Variants in KCNN2 observed in about 807,000 individuals in gnomAD.
KCNN2 encodes small conductance calcium-activated potassium channel protein 2.
Under a neutral mutation model 55.5 loss-of-function variants are expected in KCNN2, and 24 were observed. That is an observed-to-expected ratio of 0.43 (90% CI 0.31 to 0.61). The LOEUF is 0.61. KCNN2 is among the 20% of genes least tolerant of loss of function. KCNN2 has a pLI of 0.08. For synonymous variants in KCNN2, 431 were observed against 336.1 expected (o/e 1.28, Z -3.09); for missense variants, 754 against 853.6 (o/e 0.88, Z 1.45).
At chr5:114,469,634 A>G (rs1761624187) in intron 4 of KCNN2, among the ~76,000 whole-genome samples, 2 of 152,144 alleles carry the variant, frequency 1.3e-5, no homozygotes, top group African/African-American at 4.8e-5. Flanking sequence ...ATGTTGTAAA[A>G]TCGTACTTAT....
At chr5:114,141,094 A>G (rs62381856) in intron 1 of KCNN2, among the ~76,000 whole-genome samples, 6,641 of 151,832 alleles carry the variant, frequency 0.044, 242 homozygotes, top group Non-Finnish European at 0.067. Context: ...CTTCATTATT[A>G]TTATTTTTAG....
At chr5:114,486,682 T>A (rs750389025) in intron 5 of KCNN2, 1 of 1,230,734 alleles carries the variant, frequency 8.1e-7, no homozygotes, top group South Asian at 1.3e-5. Context: ...CCTCATGGTA[T>A]TTTGTCTTTC....
Position 114,435,646 on chromosome 5 carries a change from A to G in KCNN2, c.1638-27403A>G, listed in dbSNP as rs112315141. On this transcript the variant is annotated intron_variant, in intron 3 of 7. Coordinates refer to ENST00000673685, the MANE Select transcript of KCNN2 (RefSeq NM_021614.4). ...AAAAAAAAAAGATGATTTAGATAGT[A>G]TTTAGATCATTATAATGTTATTTGG... is the stretch of plus-strand genomic sequence containing the variant. Among the ~76,000 whole-genome samples the G allele has an allele frequency of 1.2e-3, 187 of 152,212 alleles. 3 individuals are homozygous for G. The highest frequency in any genetic ancestry group is 4.4e-3 in the African/African-American group (183 of 41,570).
At chr5:114,242,714 G>A (rs1754669454) in intron 2 of KCNN2, among the ~76,000 whole-genome samples, 1 of 152,094 alleles carries the variant, frequency 6.6e-6, no homozygotes, top group Non-Finnish European at 1.5e-5. Context: ...ACATTTTTGT[G>A]AACATAGAGA....
At chr5:114,173,228 T>G (rs1753071844) in intron 1 of KCNN2, among the ~76,000 whole-genome samples, 1 of 152,032 alleles carries the variant, frequency 6.6e-6, no homozygotes, top group Non-Finnish European at 1.5e-5. Flanking sequence ...TTGTAAAAAA[T>G]GAGTTCACGG....
At chr5:114,246,928 G>A (rs1426625386) in intron 2 of KCNN2, among the ~76,000 whole-genome samples, 1 of 151,758 alleles carries the variant, frequency 6.6e-6, no homozygotes, top group Non-Finnish European at 1.5e-5. Context: ...AGGAAACGAA[G>A]GAAACAACAC....
At chr5:114,413,075 A>G (rs1321651287) in intron 3 of KCNN2, among the ~76,000 whole-genome samples, 1 of 152,224 alleles carries the variant, frequency 6.6e-6, no homozygotes, top group Non-Finnish European at 1.5e-5. Context: ...TCACAACTTT[A>G]AAATGGGCCC....
chr5:114,336,691 T>C (rs529732273), intron 2 of KCNN2, among the ~76,000 whole-genome samples: 6 of 152,330 alleles, frequency 3.9e-5, no homozygotes, highest in African/African-American at 1.2e-4. Flanking sequence ...GGGATGGCTA[T>C]TGAAGAAACA....
chr5:114,328,207 A>G (rs1356716668), intron 2 of KCNN2, among the ~76,000 whole-genome samples: 1 of 152,094 alleles, frequency 6.6e-6, no homozygotes, highest in African/African-American at 2.4e-5. Flanking sequence ...GAGCATTATG[A>G]CTACAATTTA....
At chr5:114,364,087 C>A in intron 2 of KCNN2, 86 bp downstream of exon 2, 3 of 928,942 alleles carry the variant, frequency 3.2e-6, no homozygotes, top group Non-Finnish European at 3.5e-6. Flanking sequence ...TTTTTTCAAG[C>A]CATCATGTCC....
intron 5 of KCNN2, chr5:114,486,623 C>A: frequency 1.6e-6 from 1 of 640,094 alleles, no homozygotes; most frequent in Non-Finnish European, 2.4e-6. Context: ...TCCAGTAGTG[C>A]ACAGCCAGAA....
At chr5:114,408,115 C>T (rs537990690) in intron 3 of KCNN2, among the ~76,000 whole-genome samples, 15 of 151,858 alleles carry the variant, frequency 9.9e-5, no homozygotes, top group Non-Finnish European at 2.1e-4. Flanking sequence ...TGTGCGGTTG[C>T]CTCTTGGTTT....
At chr5:114,252,425 G>T (rs76603661) in intron 2 of KCNN2, among the ~76,000 whole-genome samples, 1 of 151,988 alleles carries the variant, frequency 6.6e-6, no homozygotes, top group African/African-American at 2.4e-5. Flanking sequence ...CTGGGAGAGG[G>T]AATACCTACC....
chr5:114,225,762 G>A (rs1754227418), intron 2 of KCNN2, among the ~76,000 whole-genome samples: 1 of 152,138 alleles, frequency 6.6e-6, no homozygotes, highest in Non-Finnish European at 1.5e-5. Flanking sequence ...CAGATTCTGA[G>A]GGAATTGATT....
intron 2 of KCNN2, among the ~76,000 whole-genome samples, chr5:114,286,284 T>C (rs983115927): frequency 2.0e-5 from 3 of 152,042 alleles, no homozygotes; most frequent in Non-Finnish European, 4.4e-5. Context: ...GAGAAGAAGG[T>C]GATGGGTTTA....
Position 114,241,732 on chromosome 5 carries a change from A to ATGTG in KCNN2, c.-185+20167_-185+20168insTGTG, listed in dbSNP as rs1754631309. Among the ~76,000 whole-genome samples the ATGTG allele has an allele frequency of 2.8e-5, 2 of 70,788 alleles. 1 individual carries two copies. Among genetic ancestry groups the ATGTG allele is most frequent in the Non-Finnish European group, 5.3e-5 (2 of 37,458 alleles). The allele number at this position is 70,788 out of a possible 152,430, so 46.4% of individuals were successfully genotyped here. ...TATATATATATATACGTATATATATACATATATACGTATATATATGTATAT... is the reference window on the plus strand; with the variant it reads ...TATATATATATATACGTATATATATATGTGCATATATACGTATATATATGTATAT... On this transcript the variant is annotated intron_variant, in intron 2 of 10. Coordinates refer to the KCNN2 transcript ENST00000512097.
chr5:114,189,467 A>G (rs77865578), intron 1 of KCNN2, among the ~76,000 whole-genome samples: 2,933 of 152,246 alleles, frequency 0.019, 89 homozygotes, highest in African/African-American at 0.066. Context: ...TTACCAATTA[A>G]ATGTTGATCT....
chr5:114,283,082 A>G (rs1209135999), intron 2 of KCNN2, among the ~76,000 whole-genome samples: 1 of 152,144 alleles, frequency 6.6e-6, no homozygotes, highest in Non-Finnish European at 1.5e-5. Flanking sequence ...TTGAATAGGT[A>G]CTGGTTTCTT....
At chr5:114,290,663 A>C (rs896370820) in intron 2 of KCNN2, among the ~76,000 whole-genome samples, 1 of 151,978 alleles carries the variant, frequency 6.6e-6, no homozygotes, top group African/African-American at 2.4e-5. Context: ...TTAAGGTGGT[A>C]AGTTAGATTA....
Sources: gnomAD v4.1 joint callset for allele counts (sites outside exome capture counted in the v4.1 genomes callset) on GRCh38, gnomAD v4.1.1 for gene constraint, MANE v1.5 for transcripts, NCBI Gene and HGNC (gene_info 2026-07-23, HGNC 2026-07-21) for gene names.